KIAA1671: variants seen among roughly 807,000 people sequenced by gnomAD.
The protein encoded by KIAA1671 is uncharacterized protein KIAA1671.
A neutral mutation model predicts 131.2 loss-of-function variants in KIAA1671; 52 were observed. The ratio of observed to expected loss-of-function variants is 0.40; its 90% CI spans 0.32 to 0.50. KIAA1671 has a LOEUF of 0.50. Ranked by LOEUF, KIAA1671 falls within the 20% of genes least tolerant of loss-of-function variation. The pLI is 0.73. For synonymous variants in KIAA1671, 1,003 were observed against 961.6 expected, an observed-to-expected ratio of 1.04 and a Z score of -0.80; for missense variants, 2,360 against 2,364.2, an observed-to-expected ratio of 1.00 and a Z score of 0.04.
chr22:24,956,707 A>C (rs1921719932), intron 1 of KIAA1671, among the ~76,000 whole-genome samples: 1 of 151,632 alleles, frequency 6.6e-6, no homozygotes, highest in African/African-American at 2.4e-5. Context: ...TCTACTAAAA[A>C]TACGAAAACA....
At chr22:25,061,670 G>C (rs1216320372) in intron 6 of KIAA1671, 1 of 152,314 alleles carries the variant, frequency 6.6e-6, no homozygotes, top group East Asian at 1.9e-4. Context: ...AAGAGAAGCA[G>C]GTTGTCCTGG....
chr22:25,094,772 A>C (rs1014695148), intron 6 of KIAA1671, among the ~76,000 whole-genome samples: 6 of 152,182 alleles, frequency 3.9e-5, no homozygotes, highest in Admixed American at 2.0e-4. Context: ...CAGGAGGTAC[A>C]CATCCGCATT....
At chr22:24,963,591 C>T (rs1319713510) in intron 1 of KIAA1671, among the ~76,000 whole-genome samples, 1 of 151,940 alleles carries the variant, frequency 6.6e-6, no homozygotes, top group Non-Finnish European at 1.5e-5. Flanking sequence ...TGGTGAGAAA[C>T]GGCAGCCCTT....
At chr22:25,005,358 A>AG (rs1924694611) in intron 1 of KIAA1671, among the ~76,000 whole-genome samples, 1 of 151,630 alleles carries the variant, frequency 6.6e-6, no homozygotes, top group Admixed American at 6.6e-5. Flanking sequence ...AAAAAAAAAA[A>AG]AAAAAAGAAA....
chr22:25,057,764 C>T (rs1055697002), intron 6 of KIAA1671: 3 of 152,220 alleles, frequency 2.0e-5, no homozygotes, highest in Non-Finnish European at 2.9e-5. Context: ...GCCTCGGCCT[C>T]CCAAGTACCT....
chr22:25,026,722 C>T (rs1925962876), intron 2 of KIAA1671, among the ~76,000 whole-genome samples: 1 of 150,772 alleles, frequency 6.6e-6, no homozygotes, highest in African/African-American at 2.4e-5. Context: ...AAGAGTGAAA[C>T]TTGGTCTCAA....
intron 5 of KIAA1671, 160 bp from the exon 6 acceptor site, chr22:25,049,070 G>A (rs904530144): frequency 3.5e-6 from 3 of 861,444 alleles, no homozygotes; most frequent in Non-Finnish European, 5.2e-6. Flanking sequence ...CAGAGCTACC[G>A]CCCTACATGT....
intron 12 of KIAA1671, 36 bp downstream of exon 12, chr22:25,190,820 C>A: frequency 7.0e-7 from 1 of 1,429,948 alleles, no homozygotes; most frequent in South Asian, 1.2e-5. Context: ...CTGGGAAGAG[C>A]CCTGCAGTCA....
intron 6 of KIAA1671, among the ~76,000 whole-genome samples, chr22:25,128,603 C>G (rs1477602598): frequency 6.6e-6 from 1 of 152,146 alleles, no homozygotes; most frequent in South Asian, 2.1e-4. Flanking sequence ...CCTGACCAAC[C>G]GAGAAAGTCT....
At chr22:25,119,997 G>A (rs1431269154) in intron 6 of KIAA1671, among the ~76,000 whole-genome samples, 2 of 152,216 alleles carry the variant, frequency 1.3e-5, no homozygotes, top group East Asian at 1.9e-4. Context: ...GTGCCTCTGT[G>A]TGGAGTGTTG....
In KIAA1671 at chr22:25,028,351, G is replaced by C. The variant is rs1171520790; in HGVS notation, c.352G>C (p.Val118Leu). The change falls in exon 3 of 13, where the codon GTG (valine) becomes CTG (leucine). Residue 118 changes from valine to leucine, a missense_variant. Val to Leu is a conservative substitution (Grantham distance 32). Transcript: ENST00000358431. Reference protein sequence around the residue: ...NRMPGLVGQEVGSGEGPRTSS... With the variant: ...NRMPGLVGQELGSGEGPRTSS... ...GATGCCCGGCTTGGTGGGGCAGGAG[G>C]TGGGCAGTGGGGAGGGCCCGAGGAC... 2 of 1,550,744 alleles carry C rather than the reference G, an allele frequency of 1.3e-6. No homozygotes were observed. The highest frequency in any genetic ancestry group is 2.7e-5 in the African/African-American group (2 of 73,072).
chr22:25,147,251 G>A (rs2145970928), intron 6 of KIAA1671, among the ~76,000 whole-genome samples: 1 of 151,556 alleles, frequency 6.6e-6, no homozygotes, highest in East Asian at 1.9e-4. Context: ...GGAGTGCAGT[G>A]GTGCAGTCTT....
chr22:24,987,528 G>A (rs1375158503), intron 1 of KIAA1671, among the ~76,000 whole-genome samples: 2 of 152,102 alleles, frequency 1.3e-5, no homozygotes, highest in Non-Finnish European at 2.9e-5. Context: ...GTGCCATGGT[G>A]TGATCATAGC....
rs1044229349 is a variant in KIAA1671, at chr22:25,028,313, A to T, written c.314A>T (p.Asp105Val). 4.5e-6 allele frequency: 7 copies of T among 1,550,980 alleles called. No individual in the cohort carries two copies. The African/African-American group carries it at 6.8e-5, about 15-fold the overall frequency. The change falls in exon 3 of 13, where the codon GAT becomes GTT. Residue 105 changes from aspartate (D) to valine (V), a missense_variant. Asp to Val is a radical substitution (Grantham distance 152). This residue lies in a region of KIAA1671 where 1,185 missense variants were observed against 1,126.2 expected (regional missense o/e 1.05). Transcript: ENST00000358431. ...CTCTCTGAGGAGCCAGCAGCAAAGG[A>T]TCTGGACAACAGGATGCCCGGCTTG... Reference protein sequence around the residue: ...GGLSEEPAAKDLDNRMPGLVG... With the variant: ...GGLSEEPAAKVLDNRMPGLVG...
chr22:25,041,674 G>A, intron 5 of KIAA1671, 149 bp downstream of exon 5: 4 of 756,376 alleles, frequency 5.3e-6, no homozygotes, highest in South Asian at 1.9e-5. Flanking sequence ...GGTATGGATT[G>A]TGGCAAATGG....
chr22:25,107,468 A>ATTTT (rs1931072823), intron 6 of KIAA1671, among the ~76,000 whole-genome samples: 1 of 46,410 alleles, frequency 2.2e-5, no homozygotes, highest in African/African-American at 1.1e-4. Flanking sequence ...CATCCATGGC[A>ATTTT]CTTTTTTTTT....
chr22:25,178,921 C>T (rs1934150416), intron 9 of KIAA1671, among the ~76,000 whole-genome samples: 1 of 152,212 alleles, frequency 6.6e-6, no homozygotes, highest in African/African-American at 2.4e-5. Context: ...GCCTGCTGGC[C>T]AGGGGCGCCG....
intron 1 of KIAA1671, among the ~76,000 whole-genome samples, chr22:24,983,209 A>T (rs758412733): frequency 6.6e-6 from 1 of 152,154 alleles, no homozygotes. Flanking sequence ...TTAACAAATT[A>T]TCACAATCTG....
At chr22:25,022,856 G>A (rs1174478813) in intron 1 of KIAA1671, 1 of 152,376 alleles carries the variant, frequency 6.6e-6, no homozygotes, top group African/African-American at 2.4e-5. Flanking sequence ...TTCTTTCTCT[G>A]GGGAGGTCTT....
Sources: allele counts gnomAD v4.1 joint callset (sites outside exome capture counted in the v4.1 genomes callset), GRCh38; gene constraint gnomAD v4.1.1; regional missense constraint gnomAD v4.1.1; transcripts MANE v1.5; gene names NCBI Gene and HGNC (gene_info 2026-07-23, HGNC 2026-07-21).